The following MCPH1 variants were observed in gnomAD, a reference collection of about 807,000 sequenced individuals.
MCPH1 encodes microcephalin 1.
Under a neutral mutation model 84.5 loss-of-function variants are expected in MCPH1, and 104 were observed. The ratio of observed to expected loss-of-function variants is 1.23; its 90% CI spans 1.05 to 1.45. The LOEUF is 1.45. Ranked by LOEUF, MCPH1 falls within the 40% of genes most tolerant of loss-of-function variation. The probability of loss-of-function intolerance (pLI) is 0.00; values close to 1 mark genes in which losing one functional copy is unlikely to be tolerated. For synonymous variants in MCPH1, 514 were observed against 366.8 expected (o/e 1.40, Z -4.58); for missense variants, 1,498 against 1,005.7 (o/e 1.49, Z -6.62).
intron 13 of MCPH1, among the ~76,000 whole-genome samples, chr8:6,623,686 T>A (rs1343043799): frequency 2.4e-5 from 1 of 42,484 alleles, no homozygotes. Context: ...GAAACCAACT[T>A]CCAAAAAAAA....
At chr8:6,531,345 G>A (rs1209524106) in intron 12 of MCPH1, among the ~76,000 whole-genome samples, 1 of 150,142 alleles carries the variant, frequency 6.7e-6, no homozygotes, top group Non-Finnish European at 1.5e-5. Context: ...CTGGAGTGCA[G>A]TGGCACGATC....
intron 3 of MCPH1, among the ~76,000 whole-genome samples, chr8:6,430,936 G>A (rs56246028): frequency 0.01 from 1,574 of 152,316 alleles, 28 homozygotes; most frequent in African/African-American, 0.037. Context: ...CAGGAATCCA[G>A]AGATACGAAG....
intron 12 of MCPH1, among the ~76,000 whole-genome samples, chr8:6,505,235 A>ACC (rs1813097249): frequency 2.0e-4 from 1 of 5,046 alleles, no homozygotes; most frequent in African/African-American, 5.2e-4. Context: ...TTATGTATAT[A>ACC]TAGAATATAT....
intron 10 of MCPH1, among the ~76,000 whole-genome samples, chr8:6,478,091 C>G (rs1459666970): frequency 6.6e-6 from 1 of 152,164 alleles, no homozygotes; most frequent in South Asian, 2.1e-4. Context: ...GAACATCCAA[C>G]AAAAATACAG....
intron 9 of MCPH1, chr8:6,474,037 CATTTGAAGT>C: frequency 1.2e-6 from 1 of 826,912 alleles, no homozygotes; most frequent in East Asian, 2.4e-5. Context: ...TATAACCCCT[CATTTGAAGT>C]ATTTCGTACA....
intron 1 of MCPH1, 22 bp from the exon 2 acceptor site, chr8:6,409,257 C>G (rs372718740): frequency 4.4e-6 from 7 of 1,578,618 alleles, no homozygotes; most frequent in African/African-American, 2.7e-5. Flanking sequence ...ATGTATGTTT[C>G]ATGTTCATAT....
chr8:6,473,638 A>G (rs947024262), intron 9 of MCPH1, among the ~76,000 whole-genome samples: 7 of 152,070 alleles, frequency 4.6e-5, no homozygotes, highest in Admixed American at 3.9e-4. Context: ...GCCTGTCTCA[A>G]TCCTTAACAA....
chr8:6,464,157 A>C (rs1806585617), intron 9 of MCPH1, among the ~76,000 whole-genome samples: 1 of 152,178 alleles, frequency 6.6e-6, no homozygotes, highest in Admixed American at 6.5e-5. Flanking sequence ...CCGGCCAGTG[A>C]GCTCTGTAAG....
intron 12 of MCPH1, among the ~76,000 whole-genome samples, chr8:6,533,258 A>G (rs1042918617): frequency 2.6e-5 from 4 of 152,228 alleles, no homozygotes; most frequent in Non-Finnish European, 4.4e-5. Context: ...ACTGAAACAC[A>G]AGAGAAGGAA....
In MCPH1 at chr8:6,552,339, A is replaced by G. The variant is rs191434929; in HGVS notation, c.2214+52410A>G. ...CGCAGTCACAGCAGTGTGTTGCCCA[A>G]TGACAGTACTGGAGCAGTTTCCACA... On this transcript the variant is annotated intron_variant, in intron 12 of 13. Coordinates refer to ENST00000344683, the MANE Select transcript of MCPH1 (RefSeq NM_024596.5). Among the ~76,000 whole-genome samples, 188 of 152,322 alleles carry G rather than the reference A, an allele frequency of 1.2e-3. 2 individuals carry two copies. The highest frequency in any genetic ancestry group is 7.4e-4 in the Non-Finnish European group (50 of 68,020).
chr8:6,498,100 A>G (rs1193791017), intron 11 of MCPH1, among the ~76,000 whole-genome samples: 1 of 152,260 alleles, frequency 6.6e-6, no homozygotes, highest in Non-Finnish European at 1.5e-5. Context: ...TAAATTCATC[A>G]GCAAGGTTTT....
intron 12 of MCPH1, among the ~76,000 whole-genome samples, chr8:6,573,788 G>C (rs1358796168): frequency 1.3e-5 from 2 of 151,932 alleles, no homozygotes; most frequent in African/African-American, 4.8e-5. Context: ...AACATGCCTG[G>C]ATGTTAAACA....
intron 3 of MCPH1, among the ~76,000 whole-genome samples, chr8:6,417,137 G>C (rs913209721): frequency 2.0e-5 from 3 of 152,044 alleles, no homozygotes; most frequent in African/African-American, 7.3e-5. Context: ...AGTTGCCTGT[G>C]TTTCTACATA....
In MCPH1 at chr8:6,457,490, A is replaced by G. The variant is rs1585883738; in HGVS notation, c.1935+2238A>G. On this transcript the variant is annotated intron_variant, in intron 9 of 13. Transcript: ENST00000344683. Reference sequence around the variant, plus strand: ...CCTGGTGGTGGGCACCTGTAATCCCAGCTGCTCAAGAGACTGAGGTGGGAG... The same window carrying G: ...CCTGGTGGTGGGCACCTGTAATCCCGGCTGCTCAAGAGACTGAGGTGGGAG... Among the ~76,000 whole-genome samples the G allele has an allele frequency of 3.3e-5, 5 of 151,858 alleles. No individual in the cohort carries two copies. The East Asian group carries it at 5.8e-4, about 18-fold the overall frequency.
At chr8:6,637,129 A>C (rs1463162924) in intron 13 of MCPH1, among the ~76,000 whole-genome samples, 1 of 152,264 alleles carries the variant, frequency 6.6e-6, no homozygotes, top group African/African-American at 2.4e-5. Context: ...TATTTCCTAC[A>C]CACTCGTCAT....
Position 6,451,211 on chromosome 8 carries a change from C to T in MCPH1, c.1826-3932C>T, listed in dbSNP as rs1805045835. Among the ~76,000 whole-genome samples, 4 of 152,212 alleles carry T rather than the reference C, an allele frequency of 2.6e-5. No individual in the cohort carries two copies. In the South Asian group the frequency reaches 6.2e-4, roughly 24 times the overall value. ...CACTGGGGCTGCAAAACTAAGCAAT[C>T]CTAGCAACTTGATGTGGGTTAGTCA... is the stretch of plus-strand genomic sequence containing the variant. On this transcript the variant is annotated intron_variant, in intron 8 of 13. Coordinates refer to ENST00000344683, the MANE Select transcript of MCPH1 (RefSeq NM_024596.5).
chr8:6,526,257 TAAAAAAAAAAA>T (rs35519559), intron 12 of MCPH1, among the ~76,000 whole-genome samples: 16,679 of 77,812 alleles, frequency 0.21, 1,613 homozygotes, highest in African/African-American at 0.39. Context: ...TTGCCTCTAC[TAAAAAAAAAAA>T]AAAAAAAAAA....
At chr8:6,422,592 T>A (rs888217838) in intron 3 of MCPH1, among the ~76,000 whole-genome samples, 2 of 152,024 alleles carry the variant, frequency 1.3e-5, no homozygotes, top group South Asian at 4.2e-4. Flanking sequence ...ATCCCCTTTC[T>A]CTCTCTCTCT....
chr8:6,529,201 G>T (rs1226698263), intron 12 of MCPH1, among the ~76,000 whole-genome samples: 1 of 152,180 alleles, frequency 6.6e-6, no homozygotes, highest in African/African-American at 2.4e-5. Context: ...ATCTGCAGGG[G>T]ACTGTAAATT....
Sources: allele counts gnomAD v4.1 joint callset (sites outside exome capture counted in the v4.1 genomes callset), GRCh38; gene constraint gnomAD v4.1.1; transcripts MANE v1.5; gene names NCBI Gene and HGNC (gene_info 2026-07-23, HGNC 2026-07-21).